Variants in RNF115 observed in about 807,000 individuals in gnomAD.
The protein encoded by RNF115 is ring finger protein 115.
A neutral mutation model predicts 39.2 loss-of-function variants in RNF115; 31 were observed. The observed-to-expected ratio is 0.79, with a 90% CI of 0.59 to 1.07. RNF115 has a LOEUF of 1.07. RNF115 is among the 50% of genes least tolerant of loss of function. RNF115 has a pLI of 0.00. For synonymous variants in RNF115, 124 were observed against 131.0 expected (o/e 0.95, Z 0.37); for missense variants, 384 against 381.7 (o/e 1.01, Z -0.05).
Position 145,795,066 on chromosome 1 carries a change from G to C in RNF115, c.103-6100C>G, listed in dbSNP as rs797035902. Among the ~76,000 whole-genome samples the C allele has an allele frequency of 7.3e-5, 11 of 150,424 alleles. 1 individual carries two copies. The highest frequency in any genetic ancestry group is 2.7e-4 in the African/African-American group (11 of 41,034). On this transcript the variant is annotated intron_variant, in intron 1 of 8. Coordinates refer to ENST00000582693, the MANE Select transcript of RNF115 (RefSeq NM_014455.4). ...AGTGTGTCCGGAGTTTGTTCCTTCA[G>C]ATGTTCAGATGTGTCTGGGGTTTCT...
At chr1:145,767,005 C>T (rs1437214664) in intron 4 of RNF115, among the ~76,000 whole-genome samples, 2 of 141,778 alleles carry the variant, frequency 1.4e-5, no homozygotes, top group South Asian at 2.2e-4. Context: ...CCTCACTTCC[C>T]AGTAGGGGTG....
chr1:145,823,853 G>C lies in RNF115; in HGVS notation c.21C>G (p.Ala7=). The C allele has an allele frequency of 6.4e-7, 1 of 1,560,072 alleles. No homozygotes were observed. ...CTACAGCGGCGCCCGAGTCCGCCCC[G>C]GCCGCCGAAGCCTCCGCCATTTTTG... The part of the protein sequence containing the change: MAEASA[A]GADSGAAVAA... Residue 7 remains alanine, a synonymous_variant, in exon 1 of 9, where the codon GCC becomes GCG. Coordinates refer to ENST00000582693, the MANE Select transcript of RNF115 (RefSeq NM_014455.4).
chr1:145,808,681 A>T (rs1649566348), intron 1 of RNF115, among the ~76,000 whole-genome samples: 1 of 152,192 alleles, frequency 6.6e-6, no homozygotes, highest in Admixed American at 6.5e-5. Context: ...TATATCAGCA[A>T]TCCAAATAAC....
chr1:145,753,961 A>C (rs1658197459), intron 4 of RNF115, among the ~76,000 whole-genome samples: 1 of 152,088 alleles, frequency 6.6e-6, no homozygotes, highest in Non-Finnish European at 1.5e-5. Context: ...TCCTGACCTC[A>C]GCCTCCCAAA....
rs116463389 is a variant in RNF115 at position 145,746,843 on chromosome 1, T to G, written c.*23A>C. ...TATGGTAAGATGATTACCACAGCCC[T>G]GATTCAGGTGTGGTCTTTAGCTTCA... On this transcript the variant is annotated 3_prime_UTR_variant, in exon 9 of 9. Coordinates refer to ENST00000582693, the MANE Select transcript of RNF115 (RefSeq NM_014455.4). 6.2e-7 allele frequency: 1 copy of G among 1,612,256 alleles called. No individual in the cohort carries two copies. Among genetic ancestry groups the G allele is most frequent in the African/African-American group, 1.3e-5 (1 of 75,028 alleles).
In RNF115 at chr1:145,753,855, T is replaced by A. The variant is rs369469585; in HGVS notation, c.429-806A>T. On this transcript the variant is annotated intron_variant, in intron 4 of 8. Coordinates refer to ENST00000582693, the MANE Select transcript of RNF115 (RefSeq NM_014455.4). ...CCTTAGCCTCCCGAGTAGCTGGGATTATAGGCACCTGCCACCACACCCGGC... is the reference window on the plus strand; with the variant it reads ...CCTTAGCCTCCCGAGTAGCTGGGATAATAGGCACCTGCCACCACACCCGGC... Among the ~76,000 whole-genome samples, 56 of 152,288 alleles carry A rather than the reference T, an allele frequency of 3.7e-4. 1 individual carries two copies. In the South Asian group the frequency reaches 1.0e-2, roughly 27 times the overall value.
chr1:145,810,700 A>G (rs1649655492), intron 1 of RNF115, among the ~76,000 whole-genome samples: 1 of 147,584 alleles, frequency 6.8e-6, no homozygotes, highest in South Asian at 2.2e-4. Context: ...CAATTGGCAG[A>G]GGCCAGGAAA....
At chr1:145,762,626 A>G (rs1658577042) in intron 4 of RNF115, among the ~76,000 whole-genome samples, 1 of 152,078 alleles carries the variant, frequency 6.6e-6, no homozygotes, top group African/African-American at 2.4e-5. Context: ...AACTATGGCT[A>G]TTTCTGGATA....
In RNF115 at chr1:145,805,810, G is replaced by A. The variant is rs1649434791; in HGVS notation, c.103-16844C>T. The stretch of plus-strand genomic sequence containing the variant: ...ATCTCATTTTACAGACAAGGAAAAT[G>A]AAGACCCTGAAAGGTTCAATAATTT... On this transcript the variant is annotated intron_variant, in intron 1 of 8. Transcript: ENST00000582693. 3.9e-5 allele frequency among the ~76,000 whole-genome samples: 6 copies of A among 152,134 alleles called. No individual in the cohort carries two copies. In the South Asian group the frequency reaches 1.2e-3, roughly 32 times the overall value.
intron 4 of RNF115, among the ~76,000 whole-genome samples, chr1:145,755,913 C>G (rs1245699291): frequency 6.6e-6 from 1 of 152,154 alleles, no homozygotes; most frequent in Non-Finnish European, 1.5e-5. Context: ...GATAATCTAG[C>G]TAAAGTGATT....
rs1164074188 is a variant in RNF115, at chr1:145,766,789, CGGGGGGGGGGGG to C, written c.428+4910_428+4921del. Reference sequence around the variant, plus strand: ...TCACCTCCCGGACAGGGCGGCTGGCCGGGGGGGGGGGGGGGGGGGGGCTGACCCCCCCACCTC... The same window carrying C: ...TCACCTCCCGGACAGGGCGGCTGGCCGGGGGGGGGCTGACCCCCCCACCTC... On this transcript the variant is annotated intron_variant, in intron 4 of 8. Transcript: ENST00000582693. 6.7e-3 allele frequency among the ~76,000 whole-genome samples: 34 copies of C among 5,086 alleles called. 7 individuals carry two copies. Among genetic ancestry groups the C allele is most frequent in the African/African-American group, 0.012 (32 of 2,728 alleles). 3.3% of individuals were successfully genotyped at this position (5,086 alleles called of 152,430 possible).
At chr1:145,794,818 C>T (rs1216447605) in intron 1 of RNF115, among the ~76,000 whole-genome samples, 1 of 151,836 alleles carries the variant, frequency 6.6e-6, no homozygotes, top group Non-Finnish European at 1.5e-5. Context: ...GAGATTGAGA[C>T]TATCCTGGCT....
At chr1:145,751,703 T>C (rs587709988) in intron 5 of RNF115, among the ~76,000 whole-genome samples, 193 bp from the exon 6 acceptor site, 29 of 152,312 alleles carry the variant, frequency 1.9e-4, no homozygotes, top group African/African-American at 7.0e-4. Flanking sequence ...CCTCATTCTC[T>C]AAGAATTTTA....
chr1:145,789,413 T>A (rs1284321731), intron 1 of RNF115, among the ~76,000 whole-genome samples: 1 of 145,520 alleles, frequency 6.9e-6, no homozygotes, highest in Non-Finnish European at 1.5e-5. Flanking sequence ...GTTTTTTTTC[T>A]TTTTTTTTTG....
chr1:145,752,583 C>CTTTTTTTTT (rs1279960498), intron 5 of RNF115, among the ~76,000 whole-genome samples: 1 of 60,444 alleles, frequency 1.7e-5, no homozygotes, highest in African/African-American at 1.3e-4. Flanking sequence ...ACCTATGCAG[C>CTTTTTTTTT]TCTTTTTTTT....
chr1:145,804,531 A>AT (rs1649385695), intron 1 of RNF115, among the ~76,000 whole-genome samples: 34 of 97,240 alleles, frequency 3.5e-4, no homozygotes, highest in African/African-American at 1.3e-3. Context: ...ACACACACAC[A>AT]CAATCAGACT....
In RNF115 at chr1:145,772,116, G is replaced by T. The variant is rs959443629; in HGVS notation, c.220-197C>A. The T allele has an allele frequency of 7.7e-6, 4 of 519,506 alleles. No individual in the cohort carries two copies. The East Asian group carries it at 1.3e-4, about 17-fold the overall frequency. The allele number at this position is 519,506 out of a possible 1,614,324, so 32.2% of individuals were successfully genotyped here. Reference sequence around the variant, plus strand: ...TACATCTTCAACTTTACTGGGTAATGACAAATTGTTTTCCAAACTGGTTGT... The same window carrying T: ...TACATCTTCAACTTTACTGGGTAATTACAAATTGTTTTCCAAACTGGTTGT... On this transcript the variant is annotated intron_variant, in intron 3 of 8. Coordinates refer to ENST00000582693, the MANE Select transcript of RNF115 (RefSeq NM_014455.4).
chr1:145,751,115 C>CT (rs1361736235), intron 6 of RNF115, among the ~76,000 whole-genome samples: 3 of 152,152 alleles, frequency 2.0e-5, no homozygotes, highest in Non-Finnish European at 4.4e-5. Context: ...GGAAACCCTC[C>CT]TTTTTTTGTG....
chr1:145,754,680 A>G (rs1284745214), intron 4 of RNF115, among the ~76,000 whole-genome samples: 1 of 152,156 alleles, frequency 6.6e-6, no homozygotes, highest in Non-Finnish European at 1.5e-5. Flanking sequence ...TGTACAACAG[A>G]TCTCTTGAAC....
Sources: allele counts gnomAD v4.1 joint callset (sites outside exome capture counted in the v4.1 genomes callset), GRCh38; gene constraint gnomAD v4.1.1; transcripts MANE v1.5; gene names NCBI Gene and HGNC (gene_info 2026-07-23, HGNC 2026-07-21).